Variants in ADAMTSL1 observed in about 807,000 individuals in gnomAD.
ADAMTSL1 encodes the protein ADAMTS-like protein 1.
ADAMTSL1 carries 126 observed loss-of-function variants against 201.8 expected under a neutral mutation model. That is an observed-to-expected ratio of 0.62 (90% CI 0.54 to 0.72). The LOEUF is 0.72. Ranked by LOEUF, ADAMTSL1 falls within the 30% of genes least tolerant of loss-of-function variation. ADAMTSL1 has a pLI of 0.00. For synonymous variants in ADAMTSL1, 1,121 were observed against 903.4 expected, an observed-to-expected ratio of 1.24 and a Z score of -4.32; for missense variants, 2,679 against 2,277.8, an observed-to-expected ratio of 1.18 and a Z score of -3.59.
chr9:18,139,991 A>C (rs547902029), intron 1 of ADAMTSL1, among the ~76,000 whole-genome samples: 2 of 152,242 alleles, frequency 1.3e-5, no homozygotes, highest in South Asian at 4.1e-4. Flanking sequence ...GTCAAATAAA[A>C]ATTTGCAATG....
At chr9:18,889,066 T>A (rs949569952) in intron 24 of ADAMTSL1, among the ~76,000 whole-genome samples, 12 of 152,220 alleles carry the variant, frequency 7.9e-5, no homozygotes, top group Non-Finnish European at 1.8e-4. Flanking sequence ...CATCATTGTC[T>A]CATGTAAATA....
chr9:18,001,130 C>T (rs970767168), intron 1 of ADAMTSL1, among the ~76,000 whole-genome samples: 1 of 151,838 alleles, frequency 6.6e-6, no homozygotes, highest in African/African-American at 2.4e-5. Flanking sequence ...ATATGTCAGG[C>T]AGTCACTATC....
Position 18,681,698 on chromosome 9 carries a change from G to GTGTGGGGGA in ADAMTSL1, c.1342-114_1342-113insTGTGGGGGA, listed in dbSNP as rs66675938. The GTGTGGGGGA allele has an allele frequency of 2.2e-5, 7 of 323,008 alleles. No individual in the cohort carries two copies. The East Asian group carries it at 3.1e-4, about 14-fold the overall frequency. 20.0% of individuals were successfully genotyped at this position (323,008 alleles called of 1,614,324 possible). A position where few individuals can be genotyped will look rare whatever the true frequency, so the allele number is the denominator to read the frequency against. ...ATAAATTTACCAGGAGTCCTCGTGT[G>GTGTGGGGGA]GGGGGGGGGGGCGGGGAAAAAGAAA... On this transcript the variant is annotated intron_variant, in intron 11 of 28. Coordinates refer to ENST00000380548, the MANE Select transcript of ADAMTSL1 (RefSeq NM_001040272.6).
In ADAMTSL1 at chr9:18,273,070, G is replaced by T. The variant is rs954187529; in HGVS notation, c.207+109089G>T. Among the ~76,000 whole-genome samples the T allele has an allele frequency of 5.9e-5, 9 of 152,030 alleles. 1 individual carries two copies. The highest frequency in any genetic ancestry group is 2.2e-4 in the African/African-American group (9 of 41,396). Reference sequence around the variant, plus strand: ...TTTGTGTGCAGAAGGATGGTTGCAGGGACCAAAAGGTCCAGGTTATTTTAT... The same window carrying T: ...TTTGTGTGCAGAAGGATGGTTGCAGTGACCAAAAGGTCCAGGTTATTTTAT... On this transcript the variant is annotated intron_variant, in intron 2 of 29. Coordinates refer to the ADAMTSL1 transcript ENST00000680146.
chr9:18,028,313 A>T (rs1249830213), intron 1 of ADAMTSL1, among the ~76,000 whole-genome samples: 2 of 151,946 alleles, frequency 1.3e-5, no homozygotes, highest in Non-Finnish European at 2.9e-5. Flanking sequence ...TATCTTTAGA[A>T]CTCACTTAAT....
chr9:18,886,483 C>T (rs1033554359), intron 23 of ADAMTSL1, among the ~76,000 whole-genome samples: 1 of 152,032 alleles, frequency 6.6e-6, no homozygotes, highest in African/African-American at 2.4e-5. Context: ...TCCAGTCAGG[C>T]TGATATAACA....
At chr9:18,553,496 A>G (rs2132234698) in intron 3 of ADAMTSL1, among the ~76,000 whole-genome samples, 1 of 151,900 alleles carries the variant, frequency 6.6e-6, no homozygotes, top group Admixed American at 6.6e-5. Context: ...GATATACTTG[A>G]AAACATTCCA....
chr9:18,606,083 C>T (rs546456697), intron 4 of ADAMTSL1, among the ~76,000 whole-genome samples: 14 of 152,218 alleles, frequency 9.2e-5, no homozygotes, highest in East Asian at 1.9e-4. Context: ...AGGGTTAGGC[C>T]GCCCAGATGC....
intron 2 of ADAMTSL1, among the ~76,000 whole-genome samples, chr9:18,425,859 GAAA>G (rs71304881): frequency 9.5e-5 from 9 of 94,616 alleles, no homozygotes; most frequent in African/African-American, 3.5e-4. Flanking sequence ...CCTGTCTCAA[GAAA>G]AAAAAAAAAA....
chr9:18,725,359 G>A (rs1301446525), intron 15 of ADAMTSL1, among the ~76,000 whole-genome samples: 1 of 152,212 alleles, frequency 6.6e-6, no homozygotes, highest in Non-Finnish European at 1.5e-5. Context: ...GGGAAAGATG[G>A]AAAGTAGTAT....
In ADAMTSL1 at chr9:18,826,351, C is replaced by G. The variant is rs760214011; in HGVS notation, c.4002C>G (p.His1334Gln). ...AACTGGGCTCCCCGCACCATCTGCA[C>G]GAAGGCTCCTTGCTGCTCACAAACG... Reference protein sequence around the residue: ...KSKLGSPHHLHEGSLLLTNVS... With the variant: ...KSKLGSPHHLQEGSLLLTNVS... The change falls in exon 22 of 29, where the codon CAC becomes CAG. Residue 1334 changes from histidine (H) to glutamine (Q), a missense_variant. Coordinates refer to ENST00000380548, the MANE Select transcript of ADAMTSL1 (RefSeq NM_001040272.6). The G allele has an allele frequency of 1.2e-6, 2 of 1,613,548 alleles. No individual in the cohort carries two copies. The highest frequency in any genetic ancestry group is 4.5e-5 in the East Asian group (2 of 44,854).
At chr9:18,051,145 C>CA (rs1470926771) in intron 1 of ADAMTSL1, among the ~76,000 whole-genome samples, 3 of 151,980 alleles carry the variant, frequency 2.0e-5, no homozygotes, top group Non-Finnish European at 2.9e-5. Context: ...ACTAAAAATA[C>CA]AAAAAATTAG....
At chr9:18,725,457 A>G (rs931823710) in intron 15 of ADAMTSL1, among the ~76,000 whole-genome samples, 1 of 152,232 alleles carries the variant, frequency 6.6e-6, no homozygotes, top group Non-Finnish European at 1.5e-5. Context: ...GCTGCCAGTG[A>G]GAATTTTCCA....
chr9:18,845,338 G>T (rs1030467262), intron 23 of ADAMTSL1, among the ~76,000 whole-genome samples: 1 of 152,272 alleles, frequency 6.6e-6, no homozygotes, highest in African/African-American at 2.4e-5. Flanking sequence ...AGAGGAGGAA[G>T]ATGTGGGCAG....
rs559177536 is a variant in ADAMTSL1 at position 18,006,572 on chromosome 9, T to TA, written c.87+99654dup. ...AATAAAATAATGAAAAATGCCAATG[T>TA]AAAACCAAGTTAGTTACGCATGTGA... On this transcript the variant is annotated intron_variant, in intron 1 of 29. Coordinates refer to the ADAMTSL1 transcript ENST00000680146. 1.1e-4 allele frequency among the ~76,000 whole-genome samples: 16 copies of TA among 152,110 alleles called. No homozygotes were observed. The East Asian group carries it at 2.7e-3, about 26-fold the overall frequency.
chr9:18,629,919 G>C (rs1282950987), intron 5 of ADAMTSL1, among the ~76,000 whole-genome samples: 1 of 152,076 alleles, frequency 6.6e-6, no homozygotes, highest in Admixed American at 6.5e-5. Flanking sequence ...CACCATTATA[G>C]TAACTATTTT....
At chr9:18,116,494 T>C (rs1454883758) in intron 1 of ADAMTSL1, among the ~76,000 whole-genome samples, 1 of 152,156 alleles carries the variant, frequency 6.6e-6, no homozygotes, top group Non-Finnish European at 1.5e-5. Context: ...TATTTGCCTG[T>C]CAGATTGGCA....
intron 2 of ADAMTSL1, among the ~76,000 whole-genome samples, chr9:18,300,255 T>C (rs1833652168): frequency 6.6e-6 from 1 of 152,158 alleles, no homozygotes; most frequent in Non-Finnish European, 1.5e-5. Flanking sequence ...ATGTGGCACA[T>C]ATACACCATG....
At chr9:18,033,069 A>G (rs908317127) in intron 1 of ADAMTSL1, among the ~76,000 whole-genome samples, 1 of 151,966 alleles carries the variant, frequency 6.6e-6, no homozygotes, top group Non-Finnish European at 1.5e-5. Flanking sequence ...GTCCCTTCCC[A>G]ATCTTATTTT....
Sources: allele counts gnomAD v4.1 joint callset (sites outside exome capture counted in the v4.1 genomes callset), GRCh38; gene constraint gnomAD v4.1.1; transcripts MANE v1.5; gene names NCBI Gene and HGNC (gene_info 2026-07-23, HGNC 2026-07-21).